AFDN: variants seen among roughly 807,000 people sequenced by gnomAD.
AFDN encodes the protein afadin.
Under a neutral mutation model 216.6 loss-of-function variants are expected in AFDN, and 68 were observed. The ratio of observed to expected loss-of-function variants is 0.31; its 90% CI spans 0.26 to 0.38. AFDN has a LOEUF of 0.38. Ranked by LOEUF, AFDN falls within the 10% of genes least tolerant of loss-of-function variation. The probability of loss-of-function intolerance (pLI) is 1.00; values close to 1 mark genes in which losing one functional copy is unlikely to be tolerated. For synonymous variants in AFDN, 868 were observed against 853.7 expected (o/e 1.02, Z -0.29); for missense variants, 2,136 against 2,342.0 (o/e 0.91, Z 1.82).
At chr6:167,902,990 C>T (rs1583341592) in intron 12 of AFDN, among the ~76,000 whole-genome samples, 1 of 152,156 alleles carries the variant, frequency 6.6e-6, no homozygotes, top group East Asian at 1.9e-4. Context: ...TAGGCTTTCT[C>T]CTGTGTAGTT....
At chr6:167,950,002 A>T (rs1247896988) in intron 29 of AFDN, among the ~76,000 whole-genome samples, 1 of 152,190 alleles carries the variant, frequency 6.6e-6, no homozygotes, top group Non-Finnish European at 1.5e-5. Context: ...GGGAGCAGAG[A>T]AGTGACTCAG....
At chr6:167,863,323 C>T (rs965291155) in intron 1 of AFDN, among the ~76,000 whole-genome samples, 1 of 152,208 alleles carries the variant, frequency 6.6e-6, no homozygotes, top group Non-Finnish European at 1.5e-5. Flanking sequence ...TATCCCATTT[C>T]TCCTATTTTT....
intron 1 of AFDN, among the ~76,000 whole-genome samples, chr6:167,850,854 A>G (rs1470190777): frequency 2.0e-5 from 3 of 148,100 alleles, no homozygotes; most frequent in East Asian, 2.0e-4. Flanking sequence ...ACTCTCAGAA[A>G]TTGTATTTCA....
Position 167,965,950 on chromosome 6 carries a change from A to C in AFDN, c.5162A>C (p.Tyr1721Ser). Residue 1721 changes from tyrosine to serine, a missense_variant, in exon 32 of 34, where the codon TAC (tyrosine) becomes TCC (serine). Tyr to Ser is a moderately radical substitution (Grantham distance 144). Coordinates refer to ENST00000683244, the MANE Select transcript of AFDN (RefSeq NM_001386888.1). The stretch of plus-strand genomic sequence containing the variant: ...CCCCCGCCTCAGCGAAACGCCTCCT[A>C]CCTCAAAACACAGGTCCTCTCCCCC... Reference protein sequence around the residue: ...PPPPPQRNASYLKTQVLSPDS... With the variant: ...PPPPPQRNASSLKTQVLSPDS... The C allele has an allele frequency of 1.3e-6, 2 of 1,547,380 alleles. No individual in the cohort carries two copies. The highest frequency in any genetic ancestry group is 1.7e-6 in the Non-Finnish European group (2 of 1,146,022).
chr6:167,880,592 ACC>A, intron 6 of AFDN, 75 bp downstream of exon 6: 1 of 1,431,000 alleles, frequency 7.0e-7, no homozygotes, highest in East Asian at 2.3e-5. Flanking sequence ...ATCAAATTAA[ACC>A]TAGATTTTCA....
chr6:167,911,604 A>G (rs1450958204), intron 15 of AFDN, 115 bp downstream of exon 15: 1 of 894,674 alleles, frequency 1.1e-6, no homozygotes, highest in East Asian at 2.6e-5. Flanking sequence ...TTTCTAAAAT[A>G]AAAGTTATGT....
In AFDN at chr6:167,946,725, C is replaced by T. The variant is rs754146677; in HGVS notation, c.3377C>T (p.Ser1126Leu). Residue 1126 changes from serine to leucine, a missense_variant, in exon 27 of 34, where the codon TCA becomes TTA. Coordinates refer to ENST00000683244, the MANE Select transcript of AFDN (RefSeq NM_001386888.1). ...ATTCCAGTTTCAGATCGTCGTGGCT[C>T]AGGTAAACCCCGACCAAAGAGTGAA... ...MMQRISDRRG[S>L]GKPRPKSEGF... 5.0e-6 allele frequency: 8 copies of T among 1,613,892 alleles called. No homozygotes were observed. The East Asian group carries it at 1.8e-4, about 36-fold the overall frequency.
At position 167,918,742 on chromosome 6, in the gene AFDN, T is replaced by A. The variant is rs140621299; in HGVS notation, c.2717T>A (p.Ile906Lys). The A allele has an allele frequency of 1.2e-6, 2 of 1,614,030 alleles. No individual in the cohort carries two copies. The highest frequency in any genetic ancestry group is 2.7e-5 in the African/African-American group (2 of 74,922). Residue 906 changes from isoleucine to lysine, a missense_variant, in exon 21 of 34, where the codon ATA (isoleucine) becomes AAA (lysine). Ile to Lys is a moderately radical substitution (Grantham distance 102). Around this residue, in one of 8 missense-constraint regions of AFDN, gnomAD observed 162 missense variants for 182.6 expected, o/e 0.89. Coordinates refer to ENST00000683244, the MANE Select transcript of AFDN (RefSeq NM_001386888.1). ...CGTTTGTTTTCCAAACAGGATCTTA[T>A]AGAAAATGTAGTGACTGTGGCTGAA... Reference protein sequence around the residue: ...PDEPFIPTDLIENVVTVAENT... With the variant: ...PDEPFIPTDLKENVVTVAENT...
At chr6:167,860,568 C>T (rs1379523315) in intron 1 of AFDN, among the ~76,000 whole-genome samples, 1 of 152,112 alleles carries the variant, frequency 6.6e-6, no homozygotes, top group Non-Finnish European at 1.5e-5. Flanking sequence ...TTTGTTTAAT[C>T]CTCAAAACAA....
In AFDN at chr6:167,864,744, G is replaced by A; in HGVS notation, c.299G>A (p.Gly100Glu). The A allele has an allele frequency of 1.2e-6, 2 of 1,614,066 alleles. No homozygotes were observed. The highest frequency in any genetic ancestry group is 1.7e-6 in the Non-Finnish European group (2 of 1,179,984). The change falls in exon 2 of 34, where the codon GGA (glycine) becomes GAA (glutamate). Residue 100 changes from glycine (G) to glutamate (E), a missense_variant and splice_region_variant. This residue lies in a region of AFDN where 817 missense variants were observed against 965.7 expected (regional missense o/e 0.85). Transcript: ENST00000683244. ...KYSLYEVHVS[G>E]ERRLDIDEKP... ...TCACTCTATGAAGTGCATGTCAGCG[G>A]AGGTCAGTGTATACAGGAAGGGTTT... is the stretch of plus-strand genomic sequence containing the variant.
At chr6:167,866,903 A>G (rs921715290) in intron 2 of AFDN, among the ~76,000 whole-genome samples, 1 of 152,222 alleles carries the variant, frequency 6.6e-6, no homozygotes, top group Non-Finnish European at 1.5e-5. Flanking sequence ...CCGCAGCCCT[A>G]GTGAGCTAAA....
intron 6 of AFDN, among the ~76,000 whole-genome samples, chr6:167,888,990 G>T (rs997246609): frequency 6.6e-6 from 1 of 151,924 alleles, no homozygotes; most frequent in African/African-American, 2.4e-5. Flanking sequence ...TCTTTTTAGG[G>T]ACCAGGTGAT....
chr6:167,897,015 A>C (rs1432448616), intron 10 of AFDN, 43 bp downstream of exon 10: 1 of 1,160,472 alleles, frequency 8.6e-7, no homozygotes, highest in Non-Finnish European at 1.3e-6. Flanking sequence ...ACATTCCAGG[A>C]GGCATAACGT....
intron 21 of AFDN, among the ~76,000 whole-genome samples, chr6:167,919,198 T>C (rs1002256615): frequency 3.3e-5 from 5 of 152,274 alleles, no homozygotes; most frequent in African/African-American, 1.2e-4. Context: ...ATTTTCTGCC[T>C]GGGCTGATAA....
intron 6 of AFDN, among the ~76,000 whole-genome samples, chr6:167,881,948 T>C (rs1786166981): frequency 6.6e-6 from 1 of 152,230 alleles, no homozygotes; most frequent in East Asian, 1.9e-4. Context: ...CTTGCCCACA[T>C]ATATAGCCTT....
rs1457628138 is a variant in AFDN, at chr6:167,880,517, G to T, written c.897G>T (p.Arg299=). ...ACCCTAAGGATTACTGCATCGCCCG[G>T]GTAAGGAACTTTATCAAATCAGTAG... is the stretch of plus-strand genomic sequence containing the variant. The part of the protein sequence containing the change: ...KENPKDYCIA[R]VMLPPGAQHS... Residue 299 remains arginine, a splice_region_variant and synonymous_variant, in exon 6 of 34, where the codon CGG becomes CGT. Transcript: ENST00000683244. 9 of 1,612,510 alleles carry T rather than the reference G, an allele frequency of 5.6e-6. No individual in the cohort carries two copies. Among genetic ancestry groups the T allele is most frequent in the Non-Finnish European group, 7.6e-6 (9 of 1,179,346 alleles).
chr6:167,860,695 C>T (rs1783460926), intron 1 of AFDN, among the ~76,000 whole-genome samples: 1 of 152,216 alleles, frequency 6.6e-6, no homozygotes, highest in Non-Finnish European at 1.5e-5. Context: ...TGCAGCCCCC[C>T]AGATGTTTCT....
At chr6:167,839,906 C>T (rs1010031205) in intron 1 of AFDN, among the ~76,000 whole-genome samples, 3 of 152,074 alleles carry the variant, frequency 2.0e-5, no homozygotes, top group Non-Finnish European at 4.4e-5. Flanking sequence ...AAGAGGGGAC[C>T]GGCATTCCTG....
At chr6:167,903,588 A>C (rs1157895021) in intron 12 of AFDN, among the ~76,000 whole-genome samples, 1 of 152,210 alleles carries the variant, frequency 6.6e-6, no homozygotes, top group African/African-American at 2.4e-5. Context: ...ATTGAATGCC[A>C]TGGTGCCACA....
Sources: gnomAD v4.1 joint callset for allele counts (sites outside exome capture counted in the v4.1 genomes callset) on GRCh38, gnomAD v4.1.1 for gene constraint, gnomAD v4.1.1 regional missense constraint, MANE v1.5 for transcripts, NCBI Gene and HGNC (gene_info 2026-07-23, HGNC 2026-07-21) for gene names.